The following RFX3 variants were observed in gnomAD, a reference collection of about 807,000 sequenced individuals.
RFX3 encodes regulatory factor X3.
A neutral mutation model predicts 98.6 loss-of-function variants in RFX3; 14 were observed. The ratio of observed to expected loss-of-function variants is 0.14; its 90% CI spans 0.09 to 0.22. The LOEUF (loss-of-function observed/expected upper bound fraction) is 0.22. Among genes scored for constraint, RFX3 ranks in the 10% least tolerant of loss-of-function variants. The pLI is 1.00. For missense variants in RFX3, 639 were observed against 926.9 expected, an observed-to-expected ratio of 0.69 and a Z score of 4.03; for synonymous variants, 383 against 328.4, an observed-to-expected ratio of 1.17 and a Z score of -1.80.
intron 1 of RFX3, among the ~76,000 whole-genome samples, chr9:3,484,417 AGGG>A (rs1271258112): frequency 6.6e-6 from 1 of 152,204 alleles, no homozygotes; most frequent in Non-Finnish European, 1.5e-5. Flanking sequence ...TTACAGAGAA[AGGG>A]GTGGGTAGGG....
chr9:3,425,787 C>G (rs1279792224), intron 1 of RFX3, among the ~76,000 whole-genome samples: 1 of 152,110 alleles, frequency 6.6e-6, no homozygotes, highest in African/African-American at 2.4e-5. Flanking sequence ...ATATACTAGA[C>G]CATGAGGTAT....
intron 1 of RFX3, among the ~76,000 whole-genome samples, chr9:3,508,340 A>G (rs966730124): frequency 6.6e-6 from 1 of 151,894 alleles, no homozygotes; most frequent in Admixed American, 6.6e-5. Context: ...TACACTTTCA[A>G]TATTTGTATT....
At chr9:3,229,102 CT>C (rs1426122721) in intron 15 of RFX3, among the ~76,000 whole-genome samples, 1 of 152,202 alleles carries the variant, frequency 6.6e-6, no homozygotes, top group Non-Finnish European at 1.5e-5. Flanking sequence ...GTCTTAGCCT[CT>C]TCGCAGAAGG....
At chr9:3,493,187 G>C (rs939948151) in intron 1 of RFX3, among the ~76,000 whole-genome samples, 1 of 152,050 alleles carries the variant, frequency 6.6e-6, no homozygotes, top group Non-Finnish European at 1.5e-5. Flanking sequence ...TCCATGAACT[G>C]AAAGTAAAAG....
Position 3,293,214 on chromosome 9 carries a change from G to A in RFX3, c.594C>T (p.Ser198=), listed in dbSNP as rs1586913256. The stretch of plus-strand genomic sequence containing the variant: ...GGTTGTACAGAGTGCTTCTGGGAAG[G>A]CTCACTCCTTCTGCTGTCTCATAAT... The part of the protein sequence containing the change: ...LDNYETAEGV[S]LPRSTLYNHY... Residue 198 remains serine, a synonymous_variant, in exon 6 of 17, where the codon AGC becomes AGT. Transcript: ENST00000617270. 1.2e-6 allele frequency: 2 copies of A among 1,610,882 alleles called. No individual in the cohort carries two copies. The highest frequency in any genetic ancestry group is 1.7e-4 in the Middle Eastern group (1 of 6,052).
chr9:3,511,364 G>A (rs1237932463), intron 1 of RFX3, among the ~76,000 whole-genome samples: 1 of 151,024 alleles, frequency 6.6e-6, no homozygotes, highest in African/African-American at 2.4e-5. Context: ...TTTTTTTTTG[G>A]CTATAGATTT....
intron 9 of RFX3, among the ~76,000 whole-genome samples, chr9:3,273,394 T>C (rs1824763740): frequency 6.6e-6 from 1 of 152,196 alleles, no homozygotes; most frequent in Admixed American, 6.6e-5. Flanking sequence ...TCCCTATTTC[T>C]TCATAAAAAG....
At chr9:3,408,343 A>G (rs560423948) in intron 1 of RFX3, among the ~76,000 whole-genome samples, 9 of 152,174 alleles carry the variant, frequency 5.9e-5, no homozygotes, top group Non-Finnish European at 1.2e-4. Context: ...ACCCTGCAGT[A>G]CAACCAACAT....
intron 15 of RFX3, among the ~76,000 whole-genome samples, chr9:3,236,294 T>C (rs539703898): frequency 7.3e-4 from 111 of 152,304 alleles, no homozygotes; most frequent in African/African-American, 2.6e-3. Flanking sequence ...AAAAAGTCTA[T>C]GAGGTTCACA....
chr9:3,284,560 T>A (rs1368968185), intron 7 of RFX3, among the ~76,000 whole-genome samples: 2 of 151,686 alleles, frequency 1.3e-5, no homozygotes, highest in Admixed American at 6.6e-5. Flanking sequence ...ATGCCATCAA[T>A]ATGCAAAGCA....
chr9:3,289,730 T>C (rs1008512160), intron 6 of RFX3, among the ~76,000 whole-genome samples: 4 of 152,076 alleles, frequency 2.6e-5, no homozygotes, highest in Admixed American at 2.0e-4. Flanking sequence ...GAGAAGCATA[T>C]CCATGGTCTT....
chr9:3,249,133 C>T (rs574405252), intron 14 of RFX3, among the ~76,000 whole-genome samples: 1 of 152,134 alleles, frequency 6.6e-6, no homozygotes, highest in Non-Finnish European at 1.5e-5. Context: ...CCATTGTATT[C>T]TCAGGAGAAA....
intron 1 of RFX3, among the ~76,000 whole-genome samples, chr9:3,423,997 A>C (rs1587623456): frequency 6.6e-6 from 1 of 151,532 alleles, no homozygotes; most frequent in Non-Finnish European, 1.5e-5. Flanking sequence ...AATACAAAAA[A>C]TTAGCCGGGC....
In RFX3 at chr9:3,429,318, G is replaced by A. The variant is rs561913173; in HGVS notation, c.-8-33722C>T. ...ATTACAGGCGTGAGCCACCGCGCCC[G>A]GCCAATTTTTAGTTATTCTTATGAT... On this transcript the variant is annotated intron_variant, in intron 1 of 16. Transcript: ENST00000617270. Among the ~76,000 whole-genome samples, 321 of 150,626 alleles carry A rather than the reference G, an allele frequency of 2.1e-3. 2 individuals carry two copies. The highest frequency in any genetic ancestry group is 7.2e-3 in the African/African-American group (299 of 41,304).
At chr9:3,349,695 G>C (rs1473810330) in intron 2 of RFX3, among the ~76,000 whole-genome samples, 3 of 151,858 alleles carry the variant, frequency 2.0e-5, no homozygotes, top group African/African-American at 4.8e-5. Context: ...AATGTGTATA[G>C]AAGTGCCCAC....
chr9:3,448,256 A>T (rs1325575267), intron 1 of RFX3, among the ~76,000 whole-genome samples: 1 of 152,174 alleles, frequency 6.6e-6, no homozygotes, highest in East Asian at 1.9e-4. Context: ...TCCTTTTGCC[A>T]GAGTCTAAGA....
chr9:3,490,637 A>C (rs547504220), intron 1 of RFX3, among the ~76,000 whole-genome samples: 1 of 152,228 alleles, frequency 6.6e-6, no homozygotes, highest in African/African-American at 2.4e-5. Context: ...AGAAATATAA[A>C]TTAGGGGAAA....
At chr9:3,364,758 A>C (rs1001759279) in intron 2 of RFX3, 1 of 152,710 alleles carries the variant, frequency 6.5e-6, no homozygotes, top group African/African-American at 2.4e-5. Flanking sequence ...AAGCCTTCTT[A>C]AGCTTAACCA....
intron 1 of RFX3, among the ~76,000 whole-genome samples, chr9:3,504,090 T>C (rs1196533476): frequency 6.8e-6 from 1 of 146,762 alleles, no homozygotes; most frequent in African/African-American, 2.5e-5. Flanking sequence ...TTAGTTTTGA[T>C]CAATACATCT....
Sources: allele counts gnomAD v4.1 joint callset (sites outside exome capture counted in the v4.1 genomes callset), GRCh38; gene constraint gnomAD v4.1.1; transcripts MANE v1.5; gene names NCBI Gene and HGNC (gene_info 2026-07-23, HGNC 2026-07-21).